Variants in CRACD observed in about 807,000 individuals in gnomAD.
CRACD encodes the protein capping protein inhibiting regulator of actin dynamics.
A neutral mutation model predicts 106.8 loss-of-function variants in CRACD; 56 were observed. The observed-to-expected ratio is 0.52, with a 90% CI of 0.42 to 0.66. The LOEUF (loss-of-function observed/expected upper bound fraction) is 0.66, where lower values mean the gene tolerates loss of function less well. Among genes scored for constraint, CRACD ranks in the 30% least tolerant of loss-of-function variants. The pLI, the probability that CRACD is intolerant of heterozygous loss-of-function variation, is 0.00. For synonymous variants in CRACD, 754 were observed against 670.8 expected (o/e 1.12, Z -1.92); for missense variants, 1,730 against 1,623.2 (o/e 1.07, Z -1.13).
In CRACD at chr4:56,307,717, AAT is replaced by A; in HGVS notation, c.285+19_285+20del. 1 of 1,613,456 alleles carries A rather than the reference AAT, an allele frequency of 6.2e-7. No individual in the cohort carries two copies. The highest frequency in any genetic ancestry group is 1.1e-5 in the South Asian group (1 of 90,986). ...AGAACAAGGTAAGTCTCCTCCAGGG[AAT>A]GACTTGATGGCTCATAAACCAGGGC... On this transcript the variant is annotated intron_variant, in intron 5 of 10. Transcript: ENST00000682029.
chr4:56,228,266 T>C (rs1478153590), intron 2 of CRACD, among the ~76,000 whole-genome samples: 2 of 152,260 alleles, frequency 1.3e-5, no homozygotes, highest in Non-Finnish European at 2.9e-5. Flanking sequence ...TGGATAAAAG[T>C]ATATTATAAC....
At chr4:56,228,696 G>A (rs1201661648) in intron 2 of CRACD, among the ~76,000 whole-genome samples, 2 of 151,986 alleles carry the variant, frequency 1.3e-5, no homozygotes, top group East Asian at 1.9e-4. Context: ...AGAAATCGGA[G>A]AGAAGGTCAG....
chr4:56,199,327 C>T lies in CRACD; in HGVS notation c.-189+19897C>T, dbSNP rs1311933899. 3.9e-5 allele frequency among the ~76,000 whole-genome samples: 6 copies of T among 152,192 alleles called. No homozygotes were observed. In the East Asian group the frequency reaches 1.2e-3, roughly 29 times the overall value. ...AAATGTTTGGTTATATAGATATTTT[C>T]ACTCTAATAGCATCTTTTTCATGCT... On this transcript the variant is annotated intron_variant, in intron 2 of 10. Coordinates refer to ENST00000682029, the MANE Select transcript of CRACD (RefSeq NM_001393381.1).
At chr4:56,137,211 G>A (rs917629739) in intron 1 of CRACD, among the ~76,000 whole-genome samples, 1 of 151,962 alleles carries the variant, frequency 6.6e-6, no homozygotes, top group Non-Finnish European at 1.5e-5. Flanking sequence ...GGTCAAGGTT[G>A]CGGTGAGCTG....
At chr4:56,162,193 A>T (rs536782263) in intron 1 of CRACD, among the ~76,000 whole-genome samples, 4 of 150,544 alleles carry the variant, frequency 2.7e-5, no homozygotes, top group African/African-American at 9.9e-5. Context: ...ATTTTTAAAA[A>T]TTATTATTAT....
At chr4:56,240,836 CT>C (rs1210034169) in intron 2 of CRACD, among the ~76,000 whole-genome samples, 1 of 152,170 alleles carries the variant, frequency 6.6e-6, no homozygotes, top group Admixed American at 6.5e-5. Flanking sequence ...CAGGCCATTC[CT>C]TAAACTTATT....
chr4:56,143,220 G>A (rs1735266940), intron 1 of CRACD, among the ~76,000 whole-genome samples: 1 of 151,786 alleles, frequency 6.6e-6, no homozygotes, highest in Non-Finnish European at 1.5e-5. Flanking sequence ...GTCTTCCCCT[G>A]CCCTTTTCTA....
At chr4:56,088,124 G>C (rs1003814825) in intron 1 of CRACD, among the ~76,000 whole-genome samples, 1 of 142,326 alleles carries the variant, frequency 7.0e-6, no homozygotes, top group Admixed American at 7.1e-5. Context: ...CATCTCTCTA[G>C]ATTGTTTCTT....
Position 56,146,747 on chromosome 4 carries a change from A to G in CRACD, c.-335-32537A>G, listed in dbSNP as rs180925771. On this transcript the variant is annotated intron_variant, in intron 1 of 10. Transcript: ENST00000682029. ...AATTTATACACTATGCATTTGCCTT[A>G]AAGTGTGTAATTCAATGATTTTTAA... Among the ~76,000 whole-genome samples, 9 of 152,288 alleles carry G rather than the reference A, an allele frequency of 5.9e-5. No individual in the cohort carries two copies. The East Asian group carries it at 9.6e-4, about 16-fold the overall frequency.
intron 1 of CRACD, among the ~76,000 whole-genome samples, chr4:56,142,221 C>T (rs13143526): frequency 0.39 from 59,792 of 151,944 alleles, 11,916 homozygotes; most frequent in African/African-American, 0.42. Flanking sequence ...ATTTTGCTTT[C>T]TAATATACCA....
At chr4:56,182,546 A>G (rs890771943) in intron 2 of CRACD, among the ~76,000 whole-genome samples, 1 of 151,984 alleles carries the variant, frequency 6.6e-6, no homozygotes, top group Non-Finnish European at 1.5e-5. Context: ...CATGCTGCTT[A>G]TGTGCTACTA....
chr4:56,318,121 C>A (rs1257343466), intron 8 of CRACD, among the ~76,000 whole-genome samples: 1 of 151,984 alleles, frequency 6.6e-6, no homozygotes, highest in Non-Finnish European at 1.5e-5. Context: ...GGTTACTTGC[C>A]TTTACAGAAG....
intron 2 of CRACD, among the ~76,000 whole-genome samples, chr4:56,200,392 T>G (rs1202743736): frequency 2.0e-5 from 3 of 152,180 alleles, no homozygotes; most frequent in Non-Finnish European, 4.4e-5. Context: ...ATGCTTTCTC[T>G]CTCAATATTA....
At position 56,275,339 on chromosome 4, in the gene CRACD, C is replaced by T. The variant is rs532657319; in HGVS notation, c.-17+2847C>T. Among the ~76,000 whole-genome samples the T allele has an allele frequency of 6.6e-5, 10 of 152,238 alleles. No individual in the cohort carries two copies. In the South Asian group the frequency reaches 1.9e-3, roughly 28 times the overall value. On this transcript the variant is annotated intron_variant, in intron 3 of 10. Transcript: ENST00000682029. ...GTGTGGCAGCAAGTGCCTTTAATCC[C>T]TGCTGCTCGGGAGGCTGAGGCGGGA...
chr4:56,104,073 C>T (rs1733865642), intron 1 of CRACD, among the ~76,000 whole-genome samples: 1 of 152,182 alleles, frequency 6.6e-6, no homozygotes, highest in African/African-American at 2.4e-5. Context: ...TGTGCCCAGC[C>T]CGTTGTTATT....
intron 3 of CRACD, among the ~76,000 whole-genome samples, chr4:56,279,797 A>AC (rs1465579948): frequency 2.3e-4 from 35 of 152,326 alleles, no homozygotes; most frequent in African/African-American, 8.2e-4. Context: ...TACTGGGTAT[A>AC]TACCCAAAGG....
At chr4:56,269,946 C>G (rs1336235746) in intron 2 of CRACD, among the ~76,000 whole-genome samples, 1 of 152,184 alleles carries the variant, frequency 6.6e-6, no homozygotes, top group African/African-American at 2.4e-5. Context: ...AAATAATACA[C>G]AGTAAAAATA....
chr4:56,279,486 T>C (rs1340574791), intron 3 of CRACD, among the ~76,000 whole-genome samples: 1 of 152,162 alleles, frequency 6.6e-6, no homozygotes, highest in African/African-American at 2.4e-5. Context: ...GGGCGAAGGA[T>C]ATGAACAGAC....
intron 1 of CRACD, among the ~76,000 whole-genome samples, chr4:56,087,808 C>T (rs1257676931): frequency 2.0e-5 from 3 of 152,110 alleles, no homozygotes; most frequent in Admixed American, 6.5e-5. Context: ...TTTCAGTTAC[C>T]CAAGTCACTG....
Sources: gnomAD v4.1 joint callset for allele counts (sites outside exome capture counted in the v4.1 genomes callset) on GRCh38, gnomAD v4.1.1 for gene constraint, MANE v1.5 for transcripts, NCBI Gene and HGNC (gene_info 2026-07-23, HGNC 2026-07-21) for gene names.